BCL2: variants seen among roughly 807,000 people sequenced by gnomAD.
BCL2 encodes apoptosis regulator Bcl-2.
BCL2 carries 1 observed loss-of-function variant against 14.2 expected under a neutral mutation model. The observed-to-expected ratio is 0.07, with a 90% CI of 0.02 to 0.33. BCL2 has a LOEUF of 0.33. Ranked by LOEUF, BCL2 falls within the 10% of genes least tolerant of loss-of-function variation. The pLI is 0.99. For missense variants in BCL2, 247 were observed against 305.9 expected, an observed-to-expected ratio of 0.81 and a Z score of 1.44; for synonymous variants, 151 against 137.2, an observed-to-expected ratio of 1.10 and a Z score of -0.70.
At chr18:63,294,563 A>G (rs1372330767) in intron 2 of BCL2, among the ~76,000 whole-genome samples, 4 of 152,094 alleles carry the variant, frequency 2.6e-5, no homozygotes, top group Admixed American at 2.6e-4. Flanking sequence ...CCAGCTACTC[A>G]GGAGGCTGAG....
At chr18:63,280,585 T>A (rs1443528634) in intron 2 of BCL2, among the ~76,000 whole-genome samples, 1 of 152,088 alleles carries the variant, frequency 6.6e-6, no homozygotes, top group African/African-American at 2.4e-5. Context: ...AGAAAGATGC[T>A]CAACATCATT....
chr18:63,211,933 G>A (rs1439310079), intron 2 of BCL2, among the ~76,000 whole-genome samples: 1 of 152,246 alleles, frequency 6.6e-6, no homozygotes, highest in Non-Finnish European at 1.5e-5. Flanking sequence ...CGCCAGAAAT[G>A]CAGTCATGTG....
Position 63,212,825 on chromosome 18 carries a change from G to A in BCL2, c.586-84066C>T, listed in dbSNP as rs140143505. Reference sequence around the variant, plus strand: ...CAGAAGGCGGAGGTTGCAGTGAGCCGAGATCACACTGCTGCACTCCAGCCT... The same window carrying A: ...CAGAAGGCGGAGGTTGCAGTGAGCCAAGATCACACTGCTGCACTCCAGCCT... On this transcript the variant is annotated intron_variant, in intron 2 of 2. Transcript: ENST00000333681. Among the ~76,000 whole-genome samples, 141 of 151,394 alleles carry A rather than the reference G, an allele frequency of 9.3e-4. 1 individual carries two copies. Among genetic ancestry groups the A allele is most frequent in the African/African-American group, 3.3e-3 (134 of 41,188 alleles).
intron 2 of BCL2, among the ~76,000 whole-genome samples, chr18:63,312,304 C>T (rs1325221872): frequency 1.3e-5 from 2 of 152,132 alleles, no homozygotes. Context: ...GTGGTGGCAC[C>T]TATGAGAAAG....
chr18:63,258,010 T>C (rs907237698), intron 2 of BCL2, among the ~76,000 whole-genome samples: 3 of 152,214 alleles, frequency 2.0e-5, no homozygotes, highest in South Asian at 2.1e-4. Context: ...ACACGGTCTT[T>C]GTAAATGTAA....
chr18:63,280,509 A>G (rs982266988), intron 2 of BCL2, among the ~76,000 whole-genome samples: 3 of 152,250 alleles, frequency 2.0e-5, no homozygotes, highest in African/African-American at 7.2e-5. Context: ...ATTTTAAAAA[A>G]TCAACAAAGA....
At chr18:63,203,736 A>C (rs1435687028) in intron 2 of BCL2, among the ~76,000 whole-genome samples, 1 of 152,018 alleles carries the variant, frequency 6.6e-6, no homozygotes, top group Admixed American at 6.5e-5. Flanking sequence ...TATACTTTCA[A>C]CTCATAGAAT....
At chr18:63,315,393 C>A (rs2144315039) in intron 2 of BCL2, 1 of 152,328 alleles carries the variant, frequency 6.6e-6, no homozygotes, top group East Asian at 1.9e-4. Flanking sequence ...TCTTCTGGGA[C>A]AATCTATCAG....
At chr18:63,299,808 TC>T (rs1281238511) in intron 2 of BCL2, among the ~76,000 whole-genome samples, 15 of 120,444 alleles carry the variant, frequency 1.2e-4, no homozygotes, top group African/African-American at 3.3e-4. Context: ...TTTTTTTTTT[TC>T]TTTTTCTTTT....
At chr18:63,183,049 A>T (rs1915513917) in intron 2 of BCL2, among the ~76,000 whole-genome samples, 1 of 152,230 alleles carries the variant, frequency 6.6e-6, no homozygotes, top group African/African-American at 2.4e-5. Context: ...GTCAATGCAC[A>T]AATGAGCAGA....
intron 2 of BCL2, among the ~76,000 whole-genome samples, chr18:63,180,483 G>A (rs1012089279): frequency 1.3e-5 from 2 of 152,256 alleles, no homozygotes; most frequent in Non-Finnish European, 2.9e-5. Context: ...CCTGGAGAGA[G>A]AAGGTGGAGG....
intron 2 of BCL2, among the ~76,000 whole-genome samples, chr18:63,142,305 C>T (rs1440969989): frequency 6.6e-6 from 1 of 152,248 alleles, no homozygotes. Flanking sequence ...TGCCAGCCTC[C>T]AGCCCTGCCT....
At chr18:63,289,773 A>C (rs113708398) in intron 2 of BCL2, among the ~76,000 whole-genome samples, 3,556 of 152,212 alleles carry the variant, frequency 0.023, 135 homozygotes, top group African/African-American at 0.082. Context: ...GCATGCCTGT[A>C]ATCCTAGCTA....
intron 2 of BCL2, among the ~76,000 whole-genome samples, chr18:63,305,060 G>T (rs1005283359): frequency 1.3e-5 from 2 of 152,128 alleles, no homozygotes; most frequent in African/African-American, 2.4e-5. Context: ...GTCCAAGCCC[G>T]CCTGGCTCAT....
chr18:63,301,618 G>A (rs533263653), intron 2 of BCL2, among the ~76,000 whole-genome samples: 4 of 152,268 alleles, frequency 2.6e-5, no homozygotes, highest in South Asian at 2.1e-4. Context: ...AATGATCTCC[G>A]AAGGCGCTAA....
chr18:63,269,687 A>G (rs1395521583), intron 2 of BCL2, among the ~76,000 whole-genome samples: 1 of 152,216 alleles, frequency 6.6e-6, no homozygotes, highest in East Asian at 1.9e-4. Context: ...ATTGTATCTT[A>G]AAAGATATCA....
chr18:63,223,362 T>C (rs1910456593), intron 2 of BCL2, among the ~76,000 whole-genome samples: 2 of 149,420 alleles, frequency 1.3e-5, no homozygotes, highest in East Asian at 2.0e-4. Context: ...ATGGCGTCAC[T>C]GCACTCCAGC....
Position 63,149,267 on chromosome 18 carries a change from T to C in BCL2, c.586-20508A>G, listed in dbSNP as rs911920572. 4.6e-5 allele frequency among the ~76,000 whole-genome samples: 7 copies of C among 152,180 alleles called. No homozygotes were observed. Among genetic ancestry groups the C allele is most frequent in the East Asian group, 1.9e-4 (1 of 5,196 alleles). On this transcript the variant is annotated intron_variant, in intron 2 of 2. Coordinates refer to ENST00000333681, the MANE Select transcript of BCL2 (RefSeq NM_000633.3). This position sits in a 1 kb window ranked among gnomAD's most constrained non-coding sequence, Gnocchi z 4.2. The stretch of plus-strand genomic sequence containing the variant: ...CAGATCATCAGGCATTCGGTTCCCA[T>C]AAGGAGCACACAACCTAGATCCCTT...
chr18:63,188,173 T>A (rs933122427), intron 2 of BCL2, among the ~76,000 whole-genome samples: 7 of 152,222 alleles, frequency 4.6e-5, no homozygotes, highest in Non-Finnish European at 8.8e-5. Context: ...CAGCTATCTG[T>A]CTTACCCACA....
Sources: gnomAD v4.1 joint callset for allele counts (sites outside exome capture counted in the v4.1 genomes callset) on GRCh38, gnomAD v4.1.1 for gene constraint, Gnocchi (gnomAD v3.1) non-coding constraint, MANE v1.5 for transcripts, NCBI Gene and HGNC (gene_info 2026-07-23, HGNC 2026-07-21) for gene names.